ADSS2: variants seen among roughly 807,000 people sequenced by gnomAD.
The protein encoded by ADSS2 is adenylosuccinate synthetase isozyme 2.
ADSS2 carries 30 observed loss-of-function variants against 60.0 expected under a neutral mutation model. The ratio of observed to expected loss-of-function variants is 0.50; its 90% CI spans 0.37 to 0.68. ADSS2 has a LOEUF of 0.68. ADSS2 is among the 30% of genes least tolerant of loss of function. The probability of loss-of-function intolerance (pLI) is 0.00; values close to 1 mark genes in which losing one functional copy is unlikely to be tolerated. For missense variants in ADSS2, 373 were observed against 554.8 expected, an observed-to-expected ratio of 0.67 and a Z score of 3.29; for synonymous variants, 187 against 193.1, an observed-to-expected ratio of 0.97 and a Z score of 0.26.
At chr1:244,430,999 AT>A (rs1238769087) in intron 4 of ADSS2, among the ~76,000 whole-genome samples, 1 of 152,014 alleles carries the variant, frequency 6.6e-6, no homozygotes, top group African/African-American at 2.4e-5. Flanking sequence ...CACACCTGTA[AT>A]CCCAGATACT....
At chr1:244,434,609 A>G (rs1031811444) in intron 3 of ADSS2, among the ~76,000 whole-genome samples, 2 of 152,210 alleles carry the variant, frequency 1.3e-5, no homozygotes, top group Non-Finnish European at 2.9e-5. Flanking sequence ...TGACATACAA[A>G]CATGTATTCT....
At chr1:244,434,222 G>A (rs1392031746) in intron 3 of ADSS2, among the ~76,000 whole-genome samples, 3 of 151,786 alleles carry the variant, frequency 2.0e-5, no homozygotes, top group Non-Finnish European at 4.4e-5. Context: ...CAGGCATGGT[G>A]GCATGTGCCT....
intron 12 of ADSS2, among the ~76,000 whole-genome samples, chr1:244,410,048 A>C (rs773630986): frequency 1.8e-4 from 28 of 152,344 alleles, no homozygotes; most frequent in Non-Finnish European, 3.8e-4. Flanking sequence ...GAGTCTATGG[A>C]AATCGAATCA....
At chr1:244,420,082 A>G in intron 8 of ADSS2, 88 bp downstream of exon 8, 1 of 1,348,196 alleles carries the variant, frequency 7.4e-7, no homozygotes, top group East Asian at 2.3e-5. Context: ...ATTGTTTTAA[A>G]ACTCCTTAAT....
At chr1:244,443,495 A>G (rs1451307148) in intron 1 of ADSS2, among the ~76,000 whole-genome samples, 1 of 152,276 alleles carries the variant, frequency 6.6e-6, no homozygotes, top group Non-Finnish European at 1.5e-5. Flanking sequence ...CCAACAGGGA[A>G]AACATTTAGT....
chr1:244,444,624 A>G (rs1220146321), intron 1 of ADSS2, among the ~76,000 whole-genome samples: 1 of 151,866 alleles, frequency 6.6e-6, no homozygotes, highest in African/African-American at 2.4e-5. Context: ...AAACTGGAAC[A>G]TCATGATAGA....
At chr1:244,441,268 C>T (rs1665240753) in intron 1 of ADSS2, among the ~76,000 whole-genome samples, 1 of 152,028 alleles carries the variant, frequency 6.6e-6, no homozygotes, top group South Asian at 2.1e-4. Flanking sequence ...CCATGTTAGC[C>T]AGGATGGTCT....
In ADSS2 at chr1:244,451,701, G is replaced by C; in HGVS notation, c.117C>G (p.Gly39=). 1 of 1,612,336 alleles carries C rather than the reference G, an allele frequency of 6.2e-7. No homozygotes were observed. Among genetic ancestry groups the C allele is most frequent in the South Asian group, 1.1e-5 (1 of 90,796 alleles). Residue 39 remains glycine, a synonymous_variant, in exon 1 of 13, where the codon GGC becomes GGG. Coordinates refer to ENST00000366535, the MANE Select transcript of ADSS2 (RefSeq NM_001126.5). The surrounding 1 kb of genome is among the most constrained non-coding windows in gnomAD (Gnocchi z 6.6). ...CCACCACCTTCCCTTTGCCTTCGTC[G>C]CCCCACTGCGCACCGAGCACCACCG... ...RVTVVLGAQW[G]DEGKGKVVDL...
chr1:244,426,507 A>G (rs907857498), intron 4 of ADSS2, among the ~76,000 whole-genome samples: 27 of 152,172 alleles, frequency 1.8e-4, no homozygotes, highest in Non-Finnish European at 2.9e-5. Context: ...GCCTTGGAAT[A>G]TCTGTTTCAC....
chr1:244,421,122 C>T (rs1664666994), intron 7 of ADSS2, among the ~76,000 whole-genome samples: 1 of 152,104 alleles, frequency 6.6e-6, no homozygotes, highest in African/African-American at 2.4e-5. Context: ...TAAATTTTAT[C>T]CTATTACTGT....
At chr1:244,439,761 A>G (rs1665192549) in intron 1 of ADSS2, among the ~76,000 whole-genome samples, 1 of 152,018 alleles carries the variant, frequency 6.6e-6, no homozygotes, top group African/African-American at 2.4e-5. Flanking sequence ...CTATCTTCCA[A>G]ATTTATTTAG....
intron 1 of ADSS2, among the ~76,000 whole-genome samples, chr1:244,448,272 G>A (rs1159903597): frequency 6.6e-6 from 1 of 152,116 alleles, no homozygotes; most frequent in Non-Finnish European, 1.5e-5. Context: ...GAAAGTTTTA[G>A]TTTGCTGCTG....
At chr1:244,417,844 T>C in intron 9 of ADSS2, 92 bp from the exon 10 acceptor site, 2 of 1,236,232 alleles carry the variant, frequency 1.6e-6, no homozygotes, top group Non-Finnish European at 2.2e-6. Flanking sequence ...CAAAGCCTCT[T>C]TGAGATAAAC....
At chr1:244,434,237 T>G (rs1665025817) in intron 3 of ADSS2, among the ~76,000 whole-genome samples, 1 of 150,866 alleles carries the variant, frequency 6.6e-6, no homozygotes, top group Admixed American at 6.6e-5. Flanking sequence ...GTGCCTACAG[T>G]CCCAGCTACT....
At chr1:244,435,143 G>A (rs1665053273) in intron 3 of ADSS2, among the ~76,000 whole-genome samples, 2 of 127,094 alleles carry the variant, frequency 1.6e-5, no homozygotes, top group African/African-American at 6.5e-5. Context: ...ACTGCAGCCT[G>A]GGTGACAGAG....
At chr1:244,440,023 G>A (rs916884283) in intron 1 of ADSS2, among the ~76,000 whole-genome samples, 1 of 152,196 alleles carries the variant, frequency 6.6e-6, no homozygotes, top group Non-Finnish European at 1.5e-5. Flanking sequence ...GCTGCTGGGG[G>A]TGGGGAAGGG....
Position 244,435,194 on chromosome 1 carries a change from A to AAAAAAAAAAAAAAAAAAAAAAC in ADSS2, c.355+1630_355+1631insGTTTTTTTTTTTTTTTTTTTTT, listed in dbSNP as rs1553308065. Among the ~76,000 whole-genome samples, 33 of 127,902 alleles carry AAAAAAAAAAAAAAAAAAAAAAC rather than the reference A, an allele frequency of 2.6e-4. 3 individuals are homozygous for AAAAAAAAAAAAAAAAAAAAAAC. Among genetic ancestry groups the AAAAAAAAAAAAAAAAAAAAAAC allele is most frequent in the African/African-American group, 1.0e-3 (31 of 31,134 alleles). The allele number at this position is 127,902 out of a possible 152,430, so 83.9% of individuals were successfully genotyped here. On this transcript the variant is annotated intron_variant, in intron 3 of 12. Coordinates refer to ENST00000366535, the MANE Select transcript of ADSS2 (RefSeq NM_001126.5). ...AAAAAAAAAAAAAAAAAAAAAAAAA[A>AAAAAAAAAAAAAAAAAAAAAAC]AAACAAACCTGAACATACTATAACA... is the stretch of plus-strand genomic sequence containing the variant.
intron 4 of ADSS2, among the ~76,000 whole-genome samples, chr1:244,432,250 G>C (rs1664962551): frequency 1.3e-5 from 2 of 152,082 alleles, no homozygotes; most frequent in Admixed American, 1.3e-4. Flanking sequence ...ACAAATAAAT[G>C]TTCTTTGCAT....
chr1:244,435,184 A>C (rs1280987203), intron 3 of ADSS2, among the ~76,000 whole-genome samples: 3 of 149,844 alleles, frequency 2.0e-5, no homozygotes, highest in Non-Finnish European at 4.4e-5. Flanking sequence ...AAAAAAAAAA[A>C]AAAAAAAAAA....
Sources: gnomAD v4.1 joint callset for allele counts (sites outside exome capture counted in the v4.1 genomes callset) on GRCh38, gnomAD v4.1.1 for gene constraint, Gnocchi (gnomAD v3.1) non-coding constraint, MANE v1.5 for transcripts, NCBI Gene and HGNC (gene_info 2026-07-23, HGNC 2026-07-21) for gene names.